The following OTOP1 variants were observed in gnomAD, a reference collection of about 807,000 sequenced individuals.
The protein encoded by OTOP1 is otopetrin 1, also known as proton channel OTOP1.
Under a neutral mutation model 52.9 loss-of-function variants are expected in OTOP1, and 59 were observed. That is an observed-to-expected ratio of 1.12 (90% CI 0.91 to 1.39). OTOP1 has a LOEUF of 1.39. Ranked by LOEUF, OTOP1 falls within the 40% of genes most tolerant of loss-of-function variation. The pLI is 0.00. For synonymous variants in OTOP1, 317 were observed against 337.7 expected (o/e 0.94, Z 0.67); for missense variants, 761 against 800.9 (o/e 0.95, Z 0.60).
chr4:4,192,523 C>G (rs796759631), intron 5 of OTOP1, among the ~76,000 whole-genome samples: 1 of 152,230 alleles, frequency 6.6e-6, no homozygotes, highest in Non-Finnish European at 1.5e-5. Context: ...AAAATATCTG[C>G]CTACTGGGTT....
chr4:4,220,002 CATATATATGTA>C (rs1260433320), intron 1 of OTOP1, among the ~76,000 whole-genome samples: 2 of 51,844 alleles, frequency 3.9e-5, no homozygotes, highest in Non-Finnish European at 6.9e-5. Flanking sequence ...GGTGTATATA[CATATATATGTA>C]TATACATGTA....
chr4:4,219,694 C>G (rs1344009979), intron 1 of OTOP1, among the ~76,000 whole-genome samples: 3 of 107,154 alleles, frequency 2.8e-5, no homozygotes, highest in African/African-American at 8.5e-5. Flanking sequence ...GAGACTCTGT[C>G]TCAAAAAAAA....
At chr4:4,189,768 G>C (rs564219854) in intron 5 of OTOP1, among the ~76,000 whole-genome samples, 7 of 152,340 alleles carry the variant, frequency 4.6e-5, no homozygotes, top group African/African-American at 1.7e-4. Context: ...GGCCCAGGGA[G>C]TACTCCCGTC....
At chr4:4,190,792 CTCTCCTA>C (rs1431708882) in intron 5 of OTOP1, among the ~76,000 whole-genome samples, 2 of 152,128 alleles carry the variant, frequency 1.3e-5, no homozygotes, top group Non-Finnish European at 2.9e-5. Context: ...CCCTTAGGGG[CTCTCCTA>C]CCTGTTTGGC....
chr4:4,189,760 C>T (rs1478308597), intron 5 of OTOP1, among the ~76,000 whole-genome samples: 1 of 152,242 alleles, frequency 6.6e-6, no homozygotes, highest in Non-Finnish European at 1.5e-5. Flanking sequence ...CGGCAAGGGG[C>T]CCAGGGAGTA....
chr4:4,201,713 G>A (rs1350398796), intron 4 of OTOP1, among the ~76,000 whole-genome samples: 1 of 152,138 alleles, frequency 6.6e-6, no homozygotes, highest in Non-Finnish European at 1.5e-5. Flanking sequence ...ATCTTTGCAA[G>A]TGCATGATTT....
chr4:4,210,704 GTC>G (rs1717006630), intron 2 of OTOP1, among the ~76,000 whole-genome samples: 1 of 152,170 alleles, frequency 6.6e-6, no homozygotes, highest in African/African-American at 2.4e-5. Flanking sequence ...GGTGGCAGGT[GTC>G]TGTCATCGGA....
chr4:4,213,557 C>T (rs1476528825), intron 1 of OTOP1, among the ~76,000 whole-genome samples: 8 of 152,130 alleles, frequency 5.3e-5, no homozygotes, highest in Admixed American at 1.3e-4. Context: ...ATAATGAAAT[C>T]GTACAGTACT....
intron 1 of OTOP1, 45 bp downstream of exon 1, chr4:4,226,417 G>C (rs1717433663): frequency 1.4e-6 from 2 of 1,385,004 alleles, no homozygotes; most frequent in Non-Finnish European, 1.9e-6. Flanking sequence ...GATGCAGCCA[G>C]CGGGCGAGGA....
chr4:4,219,829 GTGTATACATA>G (rs1717239163), intron 1 of OTOP1, among the ~76,000 whole-genome samples: 1 of 111,946 alleles, frequency 8.9e-6, no homozygotes, highest in African/African-American at 2.8e-5. Context: ...GTATACATAT[GTGTATACATA>G]TATATACACA....
In OTOP1 at chr4:4,197,359, C is replaced by T. The variant is rs751920267; in HGVS notation, c.1475G>A (p.Gly492Asp). The change falls in exon 5 of 6, where the codon GGC becomes GAC. Residue 492 changes from glycine to aspartate, a missense_variant. This residue lies in a region of OTOP1 where 632 missense variants were observed against 619.5 expected (regional missense o/e 1.02). Coordinates refer to ENST00000296358, the MANE Select transcript of OTOP1 (RefSeq NM_177998.3). ...GGVARDVAPQ[G>D]KDMPPAANGN... ...ATTGGCTGCTGGTGGCATGTCCTTG[C>T]CCTGGGGAGCCACATCTCTGGCCAC... 1.1e-5 allele frequency: 18 copies of T among 1,613,930 alleles called. No homozygotes were observed. Among genetic ancestry groups the T allele is most frequent in the Non-Finnish European group, 1.5e-5 (18 of 1,180,034 alleles).
chr4:4,218,062 A>AT lies in OTOP1; in HGVS notation c.404-5059dup, dbSNP rs1490980111. Among the ~76,000 whole-genome samples the AT allele has an allele frequency of 1.3e-5, 2 of 152,200 alleles. 1 individual carries two copies. Among genetic ancestry groups the AT allele is most frequent in the South Asian group, 4.1e-4 (2 of 4,824 alleles). ...TAAAGACTTGTCATACAGAATAGAC[A>AT]TTTTGAGGCGAAATTCTATTAACTA... On this transcript the variant is annotated intron_variant, in intron 1 of 5. Transcript: ENST00000296358.
chr4:4,199,647 A>G (rs1716735568), intron 4 of OTOP1, among the ~76,000 whole-genome samples: 1 of 152,202 alleles, frequency 6.6e-6, no homozygotes, highest in Admixed American at 6.5e-5. Context: ...TCCTGAGCTC[A>G]TGAGATCCGC....
rs147570101 is a variant in OTOP1, at chr4:4,223,644, A to G, written c.403+2818T>C. ...GCCGGGCGTGGTGGCCCATGCCTGT[A>G]ATCTCAGCACTTTGGGAGGCAAAGG... On this transcript the variant is annotated intron_variant, in intron 1 of 5. Transcript: ENST00000296358. Among the ~76,000 whole-genome samples, 801 of 152,276 alleles carry G rather than the reference A, an allele frequency of 5.3e-3. 6 individuals are homozygous for G. The highest frequency in any genetic ancestry group is 0.019 in the African/African-American group (775 of 41,542).
chr4:4,192,531 G>A (rs1157283158), intron 5 of OTOP1, among the ~76,000 whole-genome samples: 1 of 152,184 alleles, frequency 6.6e-6, no homozygotes, highest in African/African-American at 2.4e-5. Flanking sequence ...TGCCTACTGG[G>A]TTCATCCATT....
chr4:4,215,201 A>T (rs1311874074), intron 1 of OTOP1, among the ~76,000 whole-genome samples: 1 of 152,182 alleles, frequency 6.6e-6, no homozygotes, highest in African/African-American at 2.4e-5. Flanking sequence ...TCATCATTGT[A>T]CTCACCCCAT....
In OTOP1 at chr4:4,226,727, C is replaced by G; in HGVS notation, c.138G>C (p.Arg46=). Residue 46 remains arginine (R), a synonymous_variant, in exon 1 of 6, where the codon CGG becomes CGC. Transcript: ENST00000296358. ...PRSPESPAPR[R]GGVRASVPQK... ...GTGGGACGCTGGCGCGCACACCGCC[C>G]CGCCGGGGGGCCGGGGATTCCGGGG... The G allele has an allele frequency of 7.1e-7, 1 of 1,404,256 alleles. No homozygotes were observed. Among genetic ancestry groups the G allele is most frequent in the Non-Finnish European group, 9.3e-7 (1 of 1,076,666 alleles). 87.0% of individuals were successfully genotyped at this position (1,404,256 alleles called of 1,614,324 possible). A position where few individuals can be genotyped will look rare whatever the true frequency, so the allele number is the denominator to read the frequency against.
At chr4:4,216,401 G>A (rs1286611842) in intron 1 of OTOP1, among the ~76,000 whole-genome samples, 4 of 152,142 alleles carry the variant, frequency 2.6e-5, no homozygotes, top group African/African-American at 7.2e-5. Context: ...AGCATTGACC[G>A]CCATTTATAC....
At chr4:4,206,585 T>C (rs1716911198) in intron 2 of OTOP1, among the ~76,000 whole-genome samples, 1 of 152,236 alleles carries the variant, frequency 6.6e-6, no homozygotes, top group Admixed American at 6.5e-5. Flanking sequence ...TTTGGGCTGG[T>C]CTTTTGTTTC....
Sources: gnomAD v4.1 joint callset for allele counts (sites outside exome capture counted in the v4.1 genomes callset) on GRCh38, gnomAD v4.1.1 for gene constraint, gnomAD v4.1.1 regional missense constraint, MANE v1.5 for transcripts, NCBI Gene and HGNC (gene_info 2026-07-23, HGNC 2026-07-21) for gene names.